LSAMP: variants seen among roughly 807,000 people sequenced by gnomAD.
The protein encoded by LSAMP is limbic system-associated membrane protein.
A neutral mutation model predicts 38.6 loss-of-function variants in LSAMP; 7 were observed. The observed-to-expected ratio is 0.18, with a 90% CI of 0.10 to 0.34. LSAMP has a LOEUF of 0.34. LSAMP is among the 10% of genes least tolerant of loss of function. The probability of loss-of-function intolerance (pLI) is 1.00; values close to 1 mark genes in which losing one functional copy is unlikely to be tolerated. For synonymous variants in LSAMP, 154 were observed against 166.8 expected, an observed-to-expected ratio of 0.92 and a Z score of 0.59; for missense variants, 313 against 420.0, an observed-to-expected ratio of 0.75 and a Z score of 2.23.
chr3:116,219,362 T>G (rs192404669), intron 1 of LSAMP, among the ~76,000 whole-genome samples: 44 of 152,338 alleles, frequency 2.9e-4, no homozygotes, highest in African/African-American at 1.0e-3. Context: ...TTAATGGACA[T>G]TTAGTTTGTT....
At chr3:116,209,350 C>T (rs2046120647) in intron 1 of LSAMP, among the ~76,000 whole-genome samples, 1 of 152,234 alleles carries the variant, frequency 6.6e-6, no homozygotes, top group South Asian at 2.1e-4. Flanking sequence ...ATGCAGAAAT[C>T]ATCCGTCTTC....
At chr3:116,023,909 A>G (rs1405901431) in intron 2 of LSAMP, among the ~76,000 whole-genome samples, 1 of 152,136 alleles carries the variant, frequency 6.6e-6, no homozygotes, top group Non-Finnish European at 1.5e-5. Context: ...ACACTCTGGC[A>G]TTTGACATTA....
At chr3:116,166,995 G>GT (rs1200581581) in intron 1 of LSAMP, among the ~76,000 whole-genome samples, 2 of 151,958 alleles carry the variant, frequency 1.3e-5, no homozygotes, top group Non-Finnish European at 2.9e-5. Context: ...GTTTCACCGT[G>GT]TTAGCCAGGA....
intron 3 of LSAMP, among the ~76,000 whole-genome samples, chr3:115,963,852 C>G (rs1218510253): frequency 6.6e-6 from 1 of 152,110 alleles, no homozygotes; most frequent in Admixed American, 6.5e-5. Flanking sequence ...CTCTTGGGCT[C>G]AAGCAGTCCT....
Position 116,154,811 on chromosome 3 carries a change from G to GA in LSAMP, c.156-68256dup, listed in dbSNP as rs552034968. ...TATGAGACAATTCTTTTGGGGACTG[G>GA]AAAAAAACCTTAGAGCTTTTATTCT... On this transcript the variant is annotated intron_variant, in intron 1 of 6. Coordinates refer to ENST00000490035, the MANE Select transcript of LSAMP (RefSeq NM_002338.5). 2.6e-5 allele frequency among the ~76,000 whole-genome samples: 4 copies of GA among 151,972 alleles called. No individual in the cohort carries two copies. In the South Asian group the frequency reaches 8.3e-4, roughly 32 times the overall value.
intron 1 of LSAMP, among the ~76,000 whole-genome samples, chr3:116,382,529 A>G (rs1222872568): frequency 6.6e-6 from 1 of 151,270 alleles, no homozygotes; most frequent in Admixed American, 6.6e-5. Context: ...GGGGAGGGAT[A>G]GCATTAGGAG....
intron 2 of LSAMP, among the ~76,000 whole-genome samples, chr3:116,038,893 G>C (rs2107714032): frequency 6.6e-6 from 1 of 152,278 alleles, no homozygotes; most frequent in Non-Finnish European, 1.5e-5. Flanking sequence ...TGTTTCTTTT[G>C]TGCAAATAAA....
chr3:115,843,679 GT>G (rs1935068748), intron 4 of LSAMP, among the ~76,000 whole-genome samples: 1 of 138,404 alleles, frequency 7.2e-6, no homozygotes, highest in Admixed American at 7.9e-5. Flanking sequence ...TATATTCCTT[GT>G]TTCTGATATT....
intron 2 of LSAMP, among the ~76,000 whole-genome samples, chr3:116,057,735 A>T (rs191444428): frequency 6.6e-6 from 1 of 152,258 alleles, no homozygotes; most frequent in South Asian, 2.1e-4. Context: ...TTATGACGTC[A>T]TTTGAACTTC....
At chr3:116,279,897 G>GTAAA (rs2047105735) in intron 1 of LSAMP, among the ~76,000 whole-genome samples, 2 of 151,982 alleles carry the variant, frequency 1.3e-5, no homozygotes, top group African/African-American at 4.8e-5. Context: ...AACTGTTCTA[G>GTAAA]TAAATGTTAA....
intron 1 of LSAMP, among the ~76,000 whole-genome samples, chr3:116,355,978 A>AGAAT (rs1167897145): frequency 1.3e-5 from 2 of 152,194 alleles, no homozygotes; most frequent in African/African-American, 2.4e-5. Context: ...ACTGTTGGTG[A>AGAAT]GAATGTAAAT....
chr3:116,199,759 T>C (rs1016813850), intron 1 of LSAMP, among the ~76,000 whole-genome samples: 29 of 140,704 alleles, frequency 2.1e-4, no homozygotes, highest in African/African-American at 7.1e-4. Context: ...TATTTAATTG[T>C]AGGATTTATA....
intron 1 of LSAMP, among the ~76,000 whole-genome samples, chr3:116,391,058 A>C (rs73151105): frequency 9.8e-4 from 150 of 152,318 alleles, no homozygotes; most frequent in Non-Finnish European, 1.6e-3. Context: ...GAGTTGAGCC[A>C]AAGTTGTCCA....
intron 3 of LSAMP, among the ~76,000 whole-genome samples, chr3:115,863,959 A>G (rs867357129): frequency 6.6e-6 from 1 of 152,192 alleles, no homozygotes; most frequent in African/African-American, 2.4e-5. Context: ...GCAAGTTGAT[A>G]TTATATAAAA....
At chr3:115,943,040 T>G (rs1937979352) in intron 3 of LSAMP, among the ~76,000 whole-genome samples, 1 of 152,116 alleles carries the variant, frequency 6.6e-6, no homozygotes, top group South Asian at 2.1e-4. Flanking sequence ...AGAACTCAGA[T>G]GAAGAAAAAA....
chr3:116,096,628 G>C (rs762984097), intron 1 of LSAMP, among the ~76,000 whole-genome samples: 1 of 152,190 alleles, frequency 6.6e-6, no homozygotes, highest in African/African-American at 2.4e-5. Context: ...GGACTTAATT[G>C]TCTCACCACT....
In LSAMP at chr3:116,274,572, A is replaced by G. The variant is rs1009364096; in HGVS notation, c.155+170305T>C. ...TAAAACACACATATTGAAGGTCTAC[A>G]AGGTGCTGAACTAAGATTTTTCTCA... On this transcript the variant is annotated intron_variant, in intron 1 of 6. Coordinates refer to ENST00000490035, the MANE Select transcript of LSAMP (RefSeq NM_002338.5). 3.3e-5 allele frequency among the ~76,000 whole-genome samples: 5 copies of G among 152,190 alleles called. No homozygotes were observed. The East Asian group carries it at 9.6e-4, about 29-fold the overall frequency.
At chr3:116,081,185 C>A (rs1219969041) in intron 2 of LSAMP, among the ~76,000 whole-genome samples, 1 of 152,118 alleles carries the variant, frequency 6.6e-6, no homozygotes, top group Admixed American at 6.5e-5. Context: ...AAATTGGGGG[C>A]CGGCGAGGTG....
At chr3:115,833,183 T>C (rs1168205587) in intron 6 of LSAMP, among the ~76,000 whole-genome samples, 1 of 152,126 alleles carries the variant, frequency 6.6e-6, no homozygotes, top group African/African-American at 2.4e-5. Flanking sequence ...GTGATGTCAA[T>C]CTCTGCAGCA....
Sources: gnomAD v4.1 joint callset for allele counts (sites outside exome capture counted in the v4.1 genomes callset) on GRCh38, gnomAD v4.1.1 for gene constraint, MANE v1.5 for transcripts, NCBI Gene and HGNC (gene_info 2026-07-23, HGNC 2026-07-21) for gene names.